The following HYCC2 variants were observed in gnomAD, a reference collection of about 807,000 sequenced individuals.
HYCC2 encodes hyccin 2.
At chr2:201,001,712 C>T in the HYCC2 span, among the ~76,000 whole-genome samples, 15 of 151,950 alleles carry the variant, frequency 9.9e-5, no homozygotes, top group East Asian at 2.5e-3. Context: ...CTTGCTCTGC[C>T]GCCAGGCTAG....
At chr2:201,021,851 G>C in the HYCC2 span, 1 of 358,722 alleles carries the variant, frequency 2.8e-6, no homozygotes, top group African/African-American at 2.1e-5. Flanking sequence ...TGCATACCCA[G>C]AGTTATAAAA....
chr2:201,008,854 T>C, the HYCC2 span: 16 of 649,848 alleles, frequency 2.5e-5, no homozygotes, highest in African/African-American at 2.0e-4. Context: ...GCCATGTTTG[T>C]GGCTACAAAC....
chr2:201,027,865 T>C, the HYCC2 span, among the ~76,000 whole-genome samples: 4 of 152,158 alleles, frequency 2.6e-5, no homozygotes, highest in Non-Finnish European at 5.9e-5. Flanking sequence ...TCATACTGAA[T>C]GGACAAAAAC....
the HYCC2 span, among the ~76,000 whole-genome samples, chr2:200,982,379 T>C: frequency 6.6e-6 from 1 of 152,118 alleles, no homozygotes; most frequent in East Asian, 1.9e-4. Flanking sequence ...TATAATAAAA[T>C]TTTATATTTA....
chr2:201,002,776 G>A, the HYCC2 span, among the ~76,000 whole-genome samples: 1 of 152,084 alleles, frequency 6.6e-6, no homozygotes, highest in Non-Finnish European at 1.5e-5. Context: ...ACCCACCTCG[G>A]CCTCCCAAAG....
the HYCC2 span, among the ~76,000 whole-genome samples, chr2:201,038,389 C>T: frequency 6.6e-6 from 1 of 152,150 alleles, no homozygotes; most frequent in African/African-American, 2.4e-5. Context: ...CATCCTATTG[C>T]TGGGTATATA....
the HYCC2 span, chr2:201,009,081 G>C: frequency 6.2e-7 from 1 of 1,603,722 alleles, no homozygotes; most frequent in East Asian, 2.2e-5. Context: ...GGATCCAATT[G>C]TTGAAGGCTA....
chr2:201,016,436 A>AC, the HYCC2 span, among the ~76,000 whole-genome samples: 1 of 152,022 alleles, frequency 6.6e-6, no homozygotes, highest in South Asian at 2.1e-4. Flanking sequence ...CTACAGGCAT[A>AC]TGCCACCATG....
At chr2:201,005,124 A>AT in the HYCC2 span, among the ~76,000 whole-genome samples, 1 of 152,212 alleles carries the variant, frequency 6.6e-6, no homozygotes, top group Non-Finnish European at 1.5e-5. Flanking sequence ...AAAAATGAAA[A>AT]TAATTGGAAC....
At chr2:201,002,981 G>C in the HYCC2 span, among the ~76,000 whole-genome samples, 1 of 152,074 alleles carries the variant, frequency 6.6e-6, no homozygotes, top group Non-Finnish European at 1.5e-5. Context: ...ATAAGAGACT[G>C]GCTAAAAATT....
the HYCC2 span, chr2:201,063,430 A>C: frequency 4.4e-6 from 7 of 1,590,664 alleles, no homozygotes; most frequent in Non-Finnish European, 4.3e-6. Context: ...GCATTAAAGA[A>C]GACACTGAAG....
the HYCC2 span, among the ~76,000 whole-genome samples, chr2:201,058,467 T>C: frequency 6.6e-6 from 1 of 152,332 alleles, no homozygotes; most frequent in South Asian, 2.1e-4. Flanking sequence ...TCCCAGCACT[T>C]TGGGAAGCCA....
chr2:201,027,034 T>C, the HYCC2 span, among the ~76,000 whole-genome samples: 2 of 152,072 alleles, frequency 1.3e-5, no homozygotes, highest in Non-Finnish European at 2.9e-5. Context: ...AGCTGGTTTT[T>C]TGAAAGGATC....
the HYCC2 span, among the ~76,000 whole-genome samples, chr2:201,015,222 A>G: frequency 6.6e-6 from 1 of 152,194 alleles, no homozygotes; most frequent in Admixed American, 6.5e-5. Context: ...AGAAAGGTGC[A>G]ACACAGATGA....
chr2:201,021,962 G>C, the HYCC2 span: 1 of 593,670 alleles, frequency 1.7e-6, no homozygotes, highest in Non-Finnish European at 2.8e-6. Flanking sequence ...TCACAATTTA[G>C]GAGACAGGAA....
At chr2:201,031,561 G>A in the HYCC2 span, among the ~76,000 whole-genome samples, 1 of 152,196 alleles carries the variant, frequency 6.6e-6, no homozygotes, top group Non-Finnish European at 1.5e-5. Flanking sequence ...TGAGGCAGGA[G>A]AGTCACTTCA....
the HYCC2 span, chr2:200,987,235 A>G: frequency 1.3e-6 from 1 of 750,784 alleles, no homozygotes; most frequent in East Asian, 6.8e-5. Flanking sequence ...CTTTGCAAAG[A>G]GAAGCTAATA....
chr2:201,067,686 A>G, the HYCC2 span, among the ~76,000 whole-genome samples: 4 of 152,242 alleles, frequency 2.6e-5, no homozygotes, highest in Non-Finnish European at 4.4e-5. Context: ...AGTATATATT[A>G]CTGAGTGAAT....
chr2:200,984,048 ATTTTT>A, the HYCC2 span, among the ~76,000 whole-genome samples: 11 of 150,968 alleles, frequency 7.3e-5, no homozygotes, highest in African/African-American at 2.7e-4. Context: ...TATTTTTATT[ATTTTT>A]TTTTGAGACA....
Sources: allele counts gnomAD v4.1 joint callset (sites outside exome capture counted in the v4.1 genomes callset), GRCh38; gene constraint gnomAD v4.1.1; transcripts MANE v1.5; gene names NCBI Gene and HGNC (gene_info 2026-07-23, HGNC 2026-07-21).